The following L3HYPDH variants were observed in gnomAD, a reference collection of about 807,000 sequenced individuals.
L3HYPDH encodes the protein trans-L-3-hydroxyproline dehydratase.
In L3HYPDH, 32 loss-of-function variants were observed where a neutral mutation model predicts 26.5. The observed-to-expected ratio is 1.21, with a 90% confidence interval of 0.91 to 1.62. The LOEUF (loss-of-function observed/expected upper bound fraction) is 1.62. L3HYPDH is among the 40% of genes most tolerant of loss of function. The pLI is 0.00. For synonymous variants in L3HYPDH, 215 were observed against 196.6 expected (o/e 1.09, Z -0.78); for missense variants, 554 against 476.4 (o/e 1.16, Z -1.52).
the L3HYPDH span, chr14:59,504,151 C>A: frequency 1.2e-6 from 1 of 806,326 alleles, no homozygotes; most frequent in Non-Finnish European, 2.1e-6. Context: ...TGTATGAGAA[C>A]TATTCTATCA....
intron 4 of L3HYPDH, among the ~76,000 whole-genome samples, chr14:59,473,531 A>C (rs533470222): frequency 3.9e-5 from 6 of 152,348 alleles, no homozygotes; most frequent in African/African-American, 1.4e-4. Flanking sequence ...TAGTGATGCC[A>C]TTAAACACAA....
At chr14:59,481,761 C>G (rs935303847) in intron 1 of L3HYPDH, among the ~76,000 whole-genome samples, 1 of 152,184 alleles carries the variant, frequency 6.6e-6, no homozygotes, top group African/African-American at 2.4e-5. Flanking sequence ...TCTCCTTAAA[C>G]TACAAAAAAT....
intron 4 of L3HYPDH, among the ~76,000 whole-genome samples, chr14:59,473,458 T>G (rs1889409814): frequency 6.6e-6 from 1 of 152,118 alleles, no homozygotes; most frequent in African/African-American, 2.4e-5. Context: ...GATCAATGCA[T>G]GTGGGAATTG....
At chr14:59,492,687 G>A in the L3HYPDH span, among the ~76,000 whole-genome samples, 9 of 152,100 alleles carry the variant, frequency 5.9e-5, no homozygotes, top group Non-Finnish European at 2.9e-5. Context: ...GAGCTAGAGA[G>A]TTACCTGAAG....
At chr14:59,504,137 A>C in the L3HYPDH span, 1 of 910,978 alleles carries the variant, frequency 1.1e-6, no homozygotes. Context: ...ATCAATCTTA[A>C]CAGTGTATGA....
the L3HYPDH span, among the ~76,000 whole-genome samples, chr14:59,492,964 A>G: frequency 1.3e-5 from 2 of 151,700 alleles, no homozygotes; most frequent in African/African-American, 4.8e-5. Flanking sequence ...CGCCCGGCCA[A>G]TTTTTTTGTA....
At chr14:59,501,516 A>T in the L3HYPDH span, among the ~76,000 whole-genome samples, 2 of 152,206 alleles carry the variant, frequency 1.3e-5, no homozygotes, top group African/African-American at 4.8e-5. Flanking sequence ...GAGAAATGTC[A>T]TTTCACATAA....
At chr14:59,500,811 T>C in the L3HYPDH span, 2 of 156,100 alleles carry the variant, frequency 1.3e-5, no homozygotes, top group Non-Finnish European at 2.8e-5. Context: ...CCAAGGATAG[T>C]TTTTACAATT....
At chr14:59,498,978 A>T in the L3HYPDH span, 1 of 621,650 alleles carries the variant, frequency 1.6e-6, no homozygotes, top group Non-Finnish European at 2.3e-6. Context: ...TCTAGATTTA[A>T]TTTTGGAGAT....
At chr14:59,491,927 A>G in the L3HYPDH span, among the ~76,000 whole-genome samples, 2 of 152,362 alleles carry the variant, frequency 1.3e-5, no homozygotes, top group East Asian at 3.9e-4. Flanking sequence ...TGACAAAAGT[A>G]GCAGAGCCTC....
At chr14:59,485,191 A>T, upstream of L3HYPDH, 1 of 1,490,622 alleles carries the variant, frequency 6.7e-7, no homozygotes, top group South Asian at 1.2e-5. Context: ...GAAACTTTAG[A>T]TTATTGATAT....
At chr14:59,493,042 C>T in the L3HYPDH span, among the ~76,000 whole-genome samples, 27 of 152,052 alleles carry the variant, frequency 1.8e-4, no homozygotes, top group African/African-American at 6.5e-4. Flanking sequence ...TCGTGATCCA[C>T]CCGCCCCGGC....
intron 4 of L3HYPDH, 107 bp from the exon 5 acceptor site, chr14:59,473,197 T>G (rs1889390499): frequency 1.9e-6 from 2 of 1,030,570 alleles, no homozygotes; most frequent in Admixed American, 5.5e-5. Flanking sequence ...GGCCAAGGGT[T>G]AATCCTATGG....
chr14:59,484,612 C>G (rs773900473), upstream of L3HYPDH: 119 of 1,578,442 alleles, frequency 7.5e-5, no homozygotes, highest in Admixed American at 1.3e-4. Context: ...TCGCCAAGAT[C>G]CCGGGAAGCG....
rs759955697 is a variant in L3HYPDH at position 59,484,049 on chromosome 14, G to C, written c.268C>G (p.Leu90Val). The C allele has an allele frequency of 2.5e-6, 4 of 1,606,624 alleles. No individual in the cohort carries two copies. The highest frequency in any genetic ancestry group is 2.7e-5 in the African/African-American group (2 of 74,910). The stretch of plus-strand genomic sequence containing the variant: ...TCGTTGTGCAGGAACAGGACGCCCA[G>C]ATGCGCGTCCGGCAGCTCGCTCGGG... Reference protein sequence around the residue: ...LVPSELPDAHLGVLFLHNEGY... With the variant: ...LVPSELPDAHVGVLFLHNEGY... The change falls in exon 1 of 5, where the codon CTG becomes GTG. Residue 90 changes from leucine to valine, a missense_variant. By Grantham distance (32) the Leu-to-Val change is conservative. Coordinates refer to ENST00000247194, the MANE Select transcript of L3HYPDH (RefSeq NM_144581.2).
chr14:59,503,962 C>G, the L3HYPDH span: 1 of 1,613,520 alleles, frequency 6.2e-7, no homozygotes, highest in East Asian at 2.2e-5. Context: ...TAAACTTGAG[C>G]AAGATTTGCC....
upstream of L3HYPDH, chr14:59,487,516 C>A: frequency 1.8e-6 from 1 of 562,122 alleles, no homozygotes; most frequent in Non-Finnish European, 3.1e-6. Flanking sequence ...ATATAGATTT[C>A]TTTTTATTTT....
chr14:59,494,964 AG>A, the L3HYPDH span: 1 of 1,254,172 alleles, frequency 8.0e-7, no homozygotes, highest in East Asian at 2.3e-5. Context: ...GTTTTATTAA[AG>A]CCATTTAAAT....
Position 59,476,077 on chromosome 14 carries a change from T to C in L3HYPDH, c.801+15A>G. The C allele has an allele frequency of 6.2e-7, 1 of 1,613,832 alleles. No individual in the cohort carries two copies. Among genetic ancestry groups the C allele is most frequent in the Non-Finnish European group, 8.5e-7 (1 of 1,179,864 alleles). ...ATTACCTGGCTTTTGTCCCTAAACATTACAGTTTTAATACCTGTTCATCTG... is the reference window on the plus strand; with the variant it reads ...ATTACCTGGCTTTTGTCCCTAAACACTACAGTTTTAATACCTGTTCATCTG... On this transcript the variant is annotated intron_variant, in intron 3 of 4. Transcript: ENST00000247194.
Sources: gnomAD v4.1 joint callset for allele counts (sites outside exome capture counted in the v4.1 genomes callset) on GRCh38, gnomAD v4.1.1 for gene constraint, MANE v1.5 for transcripts, NCBI Gene and HGNC (gene_info 2026-07-23, HGNC 2026-07-21) for gene names.